The following TMEM64 variants were observed in gnomAD, a reference collection of about 807,000 sequenced individuals.
TMEM64 encodes transmembrane protein 64.
Under a neutral mutation model 24.5 loss-of-function variants are expected in TMEM64, and 19 were observed. The observed-to-expected ratio is 0.78, with a 90% CI of 0.54 to 1.14. TMEM64 has a LOEUF of 1.14. TMEM64 is among the 50% of genes most tolerant of loss of function. The probability of loss-of-function intolerance (pLI) is 0.00; values close to 1 mark genes in which losing one functional copy is unlikely to be tolerated. For synonymous variants in TMEM64, 262 were observed against 224.7 expected, an observed-to-expected ratio of 1.17 and a Z score of -1.49; for missense variants, 487 against 493.0, an observed-to-expected ratio of 0.99 and a Z score of 0.12.
rs771497912 is a variant in TMEM64, at chr8:90,645,352, G to A, written c.554C>T (p.Ala185Val). ...CAGCACGAAGCCGTACAGGTAGCCA[G>A]CGGCCACGTTGAGCACGATGTAGCC... ...GWGYIVLNVA[A>V]GYLYGFVLGM... The change falls in exon 1 of 3, where the codon GCT becomes GTT. Residue 185 changes from alanine (A) to valine (V), a missense_variant. By Grantham distance (64) the Ala-to-Val change is moderately conservative (BLOSUM62 0). Coordinates refer to ENST00000458549, the MANE Select transcript of TMEM64 (RefSeq NM_001008495.4). The surrounding 1 kb of genome is among the most constrained non-coding windows in gnomAD (Gnocchi z 4.2). 1.5e-5 allele frequency: 23 copies of A among 1,553,878 alleles called. No homozygotes were observed. Among genetic ancestry groups the A allele is most frequent in the Non-Finnish European group, 1.0e-5 (12 of 1,148,274 alleles).
intron 2 of TMEM64, among the ~76,000 whole-genome samples, chr8:90,627,774 A>T (rs11998205): frequency 0.055 from 8,299 of 152,260 alleles, 297 homozygotes; most frequent in African/African-American, 0.1. Flanking sequence ...TGAAAGGAAG[A>T]AGTTAAGCAT....
chr8:90,639,804 T>C (rs2130508326), intron 1 of TMEM64, among the ~76,000 whole-genome samples: 1 of 152,318 alleles, frequency 6.6e-6, no homozygotes, highest in Non-Finnish European at 1.5e-5. Flanking sequence ...GTTTTTACAA[T>C]GAATACATAC....
rs1052288001 is a variant in TMEM64, at chr8:90,645,546, G to A, written c.360C>T (p.Cys120=). The change falls in exon 1 of 3, where the codon TGC becomes TGT. Residue 120 remains cysteine, a synonymous_variant. Transcript: ENST00000458549. The surrounding 1 kb of genome is among the most constrained non-coding windows in gnomAD (Gnocchi z 4.2). The part of the protein sequence containing the change: ...RCCCLGSTCW[C]RSLVLVCVLA... ...ACACGCAGACCAGCACGAGGCTCCG[G>A]CACCAACAGGTGCTGCCGAGGCAGC... 3.9e-6 allele frequency: 6 copies of A among 1,547,694 alleles called. No individual in the cohort carries two copies. Among genetic ancestry groups the A allele is most frequent in the Middle Eastern group, 3.3e-4 (2 of 6,012 alleles).
rs1225983356 is a variant in TMEM64 at position 90,645,195 on chromosome 8, T to C, written c.711A>G (p.Val237=). ...CTTTCAGGCCGCTTCCTCCCTCCAC[T>C]ACGCGAATAACCGCGCTCAGCTTCT... ...SSEKLSAVIR[V]VEGGSGLKVV... Residue 237 remains valine, a synonymous_variant, in exon 1 of 3, where the codon GTA becomes GTG. Transcript: ENST00000458549. The surrounding 1 kb of genome is among the most constrained non-coding windows in gnomAD (Gnocchi z 4.2). 1 of 1,614,200 alleles carries C rather than the reference T, an allele frequency of 6.2e-7. No individual in the cohort carries two copies. Among genetic ancestry groups the C allele is most frequent in the Non-Finnish European group, 8.5e-7 (1 of 1,180,028 alleles).
rs981487184 is a variant in TMEM64, at chr8:90,624,042, A to G, written c.*1629T>C. 6.6e-6 allele frequency: 1 copy of G among 152,048 alleles called. No individual in the cohort carries two copies. Among genetic ancestry groups the G allele is most frequent in the African/African-American group, 2.4e-5 (1 of 41,456 alleles). The allele number at this position is 152,048 out of a possible 1,614,324, so 9.4% of individuals were successfully genotyped here. On this transcript the variant is annotated 3_prime_UTR_variant, in exon 3 of 3. Transcript: ENST00000458549. ...GCAAGAAATGAGGATTTAGATGCCA[A>G]TTATGTCCTGTAGACCCAGGTGCTC... is the stretch of plus-strand genomic sequence containing the variant.
chr8:90,641,562 A>G (rs1396225432), intron 1 of TMEM64, among the ~76,000 whole-genome samples: 1 of 152,170 alleles, frequency 6.6e-6, no homozygotes, highest in East Asian at 1.9e-4. Flanking sequence ...TGGAATCAGG[A>G]TGTGTCTGGG....
intron 1 of TMEM64, among the ~76,000 whole-genome samples, chr8:90,634,091 T>C (rs966182660): frequency 2.0e-5 from 3 of 152,216 alleles, no homozygotes; most frequent in Non-Finnish European, 2.9e-5. Flanking sequence ...TATATATTTC[T>C]TCTGATTATG....
rs1809344264 is a variant in TMEM64 at position 90,625,603 on chromosome 8, A to C, written c.*68T>G. On this transcript the variant is annotated 3_prime_UTR_variant, in exon 3 of 3. Coordinates refer to ENST00000458549, the MANE Select transcript of TMEM64 (RefSeq NM_001008495.4). ...ATACAATTAGAACTTGTCTCTGCCC[A>C]CTAGTGAAGTGACTGCTAGACCTTA... is the stretch of plus-strand genomic sequence containing the variant. The C allele has an allele frequency of 2.4e-6, 3 of 1,250,864 alleles. No homozygotes were observed. Among genetic ancestry groups the C allele is most frequent in the Non-Finnish European group, 3.3e-6 (3 of 899,360 alleles). The allele number at this position is 1,250,864 out of a possible 1,614,324, so 77.5% of individuals were successfully genotyped here. A position where few individuals can be genotyped will look rare whatever the true frequency, so the allele number is the denominator to read the frequency against.
At chr8:90,631,729 A>C (rs750506420) in intron 1 of TMEM64, 22 bp from the exon 2 acceptor site, 3 of 1,590,884 alleles carry the variant, frequency 1.9e-6, no homozygotes, top group South Asian at 1.1e-5. Flanking sequence ...GATTAAAGGG[A>C]ATGATTCATT....
chr8:90,638,203 C>T (rs2130506575), intron 1 of TMEM64, among the ~76,000 whole-genome samples: 1 of 152,248 alleles, frequency 6.6e-6, no homozygotes, highest in East Asian at 1.9e-4. Flanking sequence ...GTGCAAAGTG[C>T]TTCATGATCT....
chr8:90,637,867 T>C (rs968102141), intron 1 of TMEM64, among the ~76,000 whole-genome samples: 1 of 152,204 alleles, frequency 6.6e-6, no homozygotes, highest in African/African-American at 2.4e-5. Flanking sequence ...AAACATTAAC[T>C]ACCTATTCTC....
Position 90,622,572 on chromosome 8 carries a change from A to G in TMEM64, c.*3099T>C, listed in dbSNP as rs1809297751. ...TCAAGCATTCTAAAGATATCCCCAGAGCTAACAAATATTGACATATGTCAC... is the reference window on the plus strand; with the variant it reads ...TCAAGCATTCTAAAGATATCCCCAGGGCTAACAAATATTGACATATGTCAC... On this transcript the variant is annotated 3_prime_UTR_variant, in exon 3 of 3. Coordinates refer to ENST00000458549, the MANE Select transcript of TMEM64 (RefSeq NM_001008495.4). 1 of 152,276 alleles carries G rather than the reference A, an allele frequency of 6.6e-6. No homozygotes were observed. Among genetic ancestry groups the G allele is most frequent in the Non-Finnish European group, 1.5e-5 (1 of 68,068 alleles). The allele number at this position is 152,276 out of a possible 1,614,324, so 9.4% of individuals were successfully genotyped here.
At chr8:90,637,756 TTAA>T (rs1162256988) in intron 1 of TMEM64, among the ~76,000 whole-genome samples, 7 of 152,258 alleles carry the variant, frequency 4.6e-5, no homozygotes, top group Non-Finnish European at 8.8e-5. Context: ...ATACTTCCTA[TTAA>T]TATTTCAGAA....
intron 2 of TMEM64, among the ~76,000 whole-genome samples, chr8:90,630,426 G>A (rs1361730811): frequency 1.3e-5 from 2 of 152,076 alleles, no homozygotes; most frequent in East Asian, 3.8e-4. Context: ...ATATTCTACT[G>A]GTTTTGAGCA....
At chr8:90,644,201 GGGGAACATGGT>G (rs1373006449) in intron 1 of TMEM64, among the ~76,000 whole-genome samples, 11 of 152,186 alleles carry the variant, frequency 7.2e-5, no homozygotes, top group Non-Finnish European at 1.0e-4. Context: ...CACTGAATTT[GGGGAACATGGT>G]AATCTACTTT....
rs536372939 is a variant in TMEM64, at chr8:90,643,197, C to G, written c.795+1914G>C. ...AATAAAGAGGTGGTTGGTTGAGACACTGCCATCAGACCATGGTTCAAAGTT... is the reference window on the plus strand; with the variant it reads ...AATAAAGAGGTGGTTGGTTGAGACAGTGCCATCAGACCATGGTTCAAAGTT... On this transcript the variant is annotated intron_variant, in intron 1 of 2. Transcript: ENST00000458549. Among the ~76,000 whole-genome samples, 3 of 152,340 alleles carry G rather than the reference C, an allele frequency of 2.0e-5. No individual in the cohort carries two copies. The East Asian group carries it at 5.8e-4, about 29-fold the overall frequency.
At position 90,645,801 on chromosome 8, in the gene TMEM64, C is replaced by T; in HGVS notation, c.105G>A (p.Arg35=). The part of the protein sequence containing the change: ...AELPARWALP[R]GAGGDGPADR... ...CCGCCGGGCCGTCCCCGCCCGCACC[C>T]CGCGGCAGGGCCCAGCGGGCCGGCA... Residue 35 remains arginine, a synonymous_variant, in exon 1 of 3, where the codon CGG becomes CGA. Coordinates refer to ENST00000458549, the MANE Select transcript of TMEM64 (RefSeq NM_001008495.4). The surrounding 1 kb of genome is among the most constrained non-coding windows in gnomAD (Gnocchi z 4.2). 1.9e-6 allele frequency: 2 copies of T among 1,026,530 alleles called. No individual in the cohort carries two copies. The highest frequency in any genetic ancestry group is 2.3e-6 in the Non-Finnish European group (2 of 858,682). The allele number at this position is 1,026,530 out of a possible 1,614,324, so 63.6% of individuals were successfully genotyped here.
chr8:90,630,746 G>T (rs1809424422), intron 2 of TMEM64, among the ~76,000 whole-genome samples: 1 of 152,060 alleles, frequency 6.6e-6, no homozygotes, highest in Non-Finnish European at 1.5e-5. Flanking sequence ...GACTAAATGA[G>T]CTTAAATATG....
At chr8:90,631,759 C>T (rs780804896) in intron 1 of TMEM64, 52 bp from the exon 2 acceptor site, 29 of 1,507,828 alleles carry the variant, frequency 1.9e-5, no homozygotes, top group Non-Finnish European at 2.5e-5. Context: ...AATTTCAATT[C>T]AACATAAAAA....
Sources: allele counts gnomAD v4.1 joint callset (sites outside exome capture counted in the v4.1 genomes callset), GRCh38; gene constraint gnomAD v4.1.1; non-coding constraint Gnocchi (gnomAD v3.1); transcripts MANE v1.5; gene names NCBI Gene and HGNC (gene_info 2026-07-23, HGNC 2026-07-21).